The following CPSF4L variants were observed in gnomAD, a reference collection of about 807,000 sequenced individuals.
CPSF4L encodes cleavage and polyadenylation specific factor 4 like.
Under a neutral mutation model 24.0 loss-of-function variants are expected in CPSF4L, and 18 were observed. The observed-to-expected ratio is 0.75, with a 90% CI of 0.52 to 1.11. The LOEUF (loss-of-function observed/expected upper bound fraction) is 1.11, where lower values mean the gene tolerates loss of function less well. Among genes scored for constraint, CPSF4L ranks in the 50% least tolerant of loss-of-function variants. CPSF4L has a pLI of 0.00. For synonymous variants in CPSF4L, 72 were observed against 77.2 expected, an observed-to-expected ratio of 0.93 and a Z score of 0.35; for missense variants, 211 against 221.8, an observed-to-expected ratio of 0.95 and a Z score of 0.31.
intron 4 of CPSF4L, among the ~76,000 whole-genome samples, chr17:73,253,314 C>G (rs1398277980): frequency 6.6e-6 from 1 of 152,100 alleles, no homozygotes; most frequent in Non-Finnish European, 1.5e-5. Context: ...GAGCCAAGAT[C>G]GCACCACTGC....
chr17:73,242,304 C>A, the CPSF4L span: 29 of 1,606,298 alleles, frequency 1.8e-5, no homozygotes, highest in Admixed American at 3.5e-5. Context: ...GCCGGACTTA[C>A]AACCTCCAAC....
At chr17:73,263,507 T>C (rs1382433290), upstream of CPSF4L, among the ~76,000 whole-genome samples, 1 of 152,070 alleles carries the variant, frequency 6.6e-6, no homozygotes, top group Non-Finnish European at 1.5e-5. Flanking sequence ...GAGAGAATGT[T>C]CTGGAAGAAG....
chr17:73,262,504 A>C (rs1284581358), upstream of CPSF4L, among the ~76,000 whole-genome samples: 1 of 152,240 alleles, frequency 6.6e-6, no homozygotes, highest in Non-Finnish European at 1.5e-5. Context: ...GGAACCGACC[A>C]AGGCCAGGGC....
intron 5 of CPSF4L, chr17:73,250,238 A>G: frequency 6.5e-7 from 1 of 1,549,668 alleles, no homozygotes; most frequent in African/African-American, 1.4e-5. Flanking sequence ...ACCATAGGTT[A>G]GTTTTTAATA....
At chr17:73,247,117 A>G, downstream of CPSF4L, 1 of 794,486 alleles carries the variant, frequency 1.3e-6, no homozygotes, top group South Asian at 1.7e-5. Context: ...TACAAAAACA[A>G]GCCCTGCTCA....
intron 5 of CPSF4L, among the ~76,000 whole-genome samples, chr17:73,250,792 C>T (rs1299811840): frequency 6.6e-6 from 1 of 152,206 alleles, no homozygotes; most frequent in African/African-American, 2.4e-5. Flanking sequence ...GTTCCTTTTG[C>T]AGGAACAGTC....
chr17:73,242,162 C>A, the CPSF4L span: 1 of 850,928 alleles, frequency 1.2e-6, no homozygotes, highest in Non-Finnish European at 1.9e-6. Context: ...TGAGGCTTAG[C>A]CGTGGATCCT....
downstream of CPSF4L, chr17:73,248,382 A>T: frequency 1.0e-6 from 1 of 985,844 alleles, no homozygotes; most frequent in Non-Finnish European, 1.6e-6. Flanking sequence ...TTACCATTTT[A>T]AACAGCCTTA....
intron 1 of CPSF4L, among the ~76,000 whole-genome samples, chr17:73,261,380 G>T (rs573559950): frequency 2.0e-5 from 3 of 152,350 alleles, no homozygotes; most frequent in African/African-American, 4.8e-5. Flanking sequence ...GGGGGAGGGA[G>T]GCTGGGCGTG....
the CPSF4L span, among the ~76,000 whole-genome samples, chr17:73,242,510 T>C: frequency 6.6e-6 from 1 of 151,838 alleles, no homozygotes; most frequent in Non-Finnish European, 1.5e-5. Context: ...ATTTTGGAGT[T>C]GGACATAATT....
downstream of CPSF4L, among the ~76,000 whole-genome samples, chr17:73,244,216 A>G (rs988653514): frequency 3.3e-5 from 5 of 152,220 alleles, no homozygotes; most frequent in African/African-American, 1.2e-4. Context: ...TATCAAAAAT[A>G]TCAGCATTTT....
downstream of CPSF4L, chr17:73,247,625 T>C: frequency 3.2e-6 from 1 of 309,030 alleles, no homozygotes; most frequent in South Asian, 4.2e-5. Flanking sequence ...AACTATTTAA[T>C]GATCCATGAG....
At chr17:73,262,529 G>A (rs972651751), upstream of CPSF4L, among the ~76,000 whole-genome samples, 2 of 152,250 alleles carry the variant, frequency 1.3e-5, no homozygotes, top group Non-Finnish European at 2.9e-5. Context: ...TCCCAGCCAG[G>A]ATTCCACAGG....
At chr17:73,253,877 G>T (rs2062014604) in intron 4 of CPSF4L, 54 bp downstream of exon 4, 3 of 1,270,184 alleles carry the variant, frequency 2.4e-6, no homozygotes, top group Non-Finnish European at 3.3e-6. Context: ...CCTGCTGAGA[G>T]CTCCCACCCT....
chr17:73,247,313 A>G (rs1351246975), downstream of CPSF4L: 1 of 1,614,156 alleles, frequency 6.2e-7, no homozygotes, highest in Non-Finnish European at 8.5e-7. Flanking sequence ...ACGACTGGGG[A>G]TTGCCGCTCT....
At position 73,257,718 on chromosome 17, in the gene CPSF4L, G is replaced by A. The variant is rs1422865939; in HGVS notation, c.270C>T (p.Leu90=). The stretch of plus-strand genomic sequence containing the variant: ...AGAAGTAGCACTCAGGCATCCTGGT[G>A]AGGTCATACTGGTGCAGGAACTTGC... The part of the protein sequence containing the change: ...DHCKFLHQYD[L]TRMPECYFYS... Residue 90 remains leucine (L), a synonymous_variant, in exon 3 of 6, where the codon CTC becomes CTT. Transcript: ENST00000344935. 2 of 1,551,750 alleles carry A rather than the reference G, an allele frequency of 1.3e-6. No homozygotes were observed. Among genetic ancestry groups the A allele is most frequent in the South Asian group, 2.4e-5 (2 of 84,042 alleles).
At chr17:73,259,463 G>A (rs1273491547) in intron 2 of CPSF4L, among the ~76,000 whole-genome samples, 1 of 152,182 alleles carries the variant, frequency 6.6e-6, no homozygotes, top group Non-Finnish European at 1.5e-5. Context: ...TTACAAGTGT[G>A]AGCCTACTCC....
At chr17:73,257,621 A>G in intron 3 of CPSF4L, 60 bp downstream of exon 3, 1 of 1,527,500 alleles carries the variant, frequency 6.5e-7, no homozygotes, top group South Asian at 1.2e-5. Flanking sequence ...AAACCTTCCC[A>G]TCTCACAGCC....
downstream of CPSF4L, chr17:73,245,050 T>A (rs138076838): frequency 2.1e-4 from 193 of 917,142 alleles, no homozygotes; most frequent in African/African-American, 2.8e-3. Flanking sequence ...TCATTGTGCT[T>A]AATACTCTAT....
Sources: gnomAD v4.1 joint callset for allele counts (sites outside exome capture counted in the v4.1 genomes callset) on GRCh38, gnomAD v4.1.1 for gene constraint, MANE v1.5 for transcripts, NCBI Gene and HGNC (gene_info 2026-07-23, HGNC 2026-07-21) for gene names.